The following LBHD1 variants were observed in gnomAD, a reference collection of about 807,000 sequenced individuals.
The protein encoded by LBHD1 is LBH domain containing 1.
LBHD1 carries 28 observed loss-of-function variants against 31.1 expected under a neutral mutation model. That is an observed-to-expected ratio of 0.90 (90% CI 0.67 to 1.24). The LOEUF is 1.24. Ranked by LOEUF, LBHD1 falls within the 50% of genes most tolerant of loss-of-function variation. The pLI is 0.00. For missense variants in LBHD1, 350 were observed against 323.0 expected (o/e 1.08, Z -0.64); for synonymous variants, 105 against 116.5 (o/e 0.90, Z 0.63).
intron 4 of LBHD1, chr11:62,666,000 G>C: frequency 6.4e-7 from 1 of 1,561,956 alleles, no homozygotes. Flanking sequence ...AGTGGGGAGG[G>C]TAAGGTGGGT....
rs1944694257 is a variant in LBHD1, at chr11:62,662,916, A to G, written c.*213T>C. On this transcript the variant is annotated 3_prime_UTR_variant, in exon 7 of 7. Coordinates refer to ENST00000354588, the MANE Select transcript of LBHD1 (RefSeq NM_024099.5). ...TCTTCCCTCCCAAAGACATCCCTCTAGGGGAGGTCAGTAGGCCATTAGGTA... is the reference window on the plus strand; with the variant it reads ...TCTTCCCTCCCAAAGACATCCCTCTGGGGGAGGTCAGTAGGCCATTAGGTA... 7 of 669,808 alleles carry G rather than the reference A, an allele frequency of 1.0e-5. No individual in the cohort carries two copies. In the South Asian group the frequency reaches 1.4e-4, roughly 13 times the overall value. 41.5% of individuals were successfully genotyped at this position (669,808 alleles called of 1,614,324 possible). A position where few individuals can be genotyped will look rare whatever the true frequency, so the allele number is the denominator to read the frequency against.
chr11:62,665,708 CAT>C (rs929260139), intron 4 of LBHD1: 14 of 1,462,466 alleles, frequency 9.6e-6, no homozygotes, highest in Admixed American at 2.4e-5. Flanking sequence ...CCGTTCCTAC[CAT>C]AGTCTGTGTC....
chr11:62,665,634 C>T lies in LBHD1; in HGVS notation c.539-661G>A, dbSNP rs1565126421. ...CTCCATCGGGGTGCTCACACTTTCT[C>T]ATTTGATTTCAGGTCTGCGGACGCT... On this transcript the variant is annotated intron_variant, in intron 4 of 6. Transcript: ENST00000354588. The T allele has an allele frequency of 3.2e-5, 48 of 1,523,622 alleles. 1 individual carries two copies. The highest frequency in any genetic ancestry group is 3.3e-5 in the Non-Finnish European group (38 of 1,140,092). 94.4% of individuals were successfully genotyped at this position (1,523,622 alleles called of 1,614,324 possible).
At chr11:62,667,106 G>C in intron 4 of LBHD1, 1 of 1,502,164 alleles carries the variant, frequency 6.7e-7, no homozygotes. Context: ...GAGGGCTGAA[G>C]AACTGTCTTT....
intron 4 of LBHD1, chr11:62,665,632 C>T: frequency 4.4e-5 from 68 of 1,530,062 alleles, no homozygotes; most frequent in Non-Finnish European, 5.9e-5. Flanking sequence ...CTCACACTTT[C>T]TCATTTGATT....
intron 4 of LBHD1, 40 bp from the exon 5 acceptor site, chr11:62,665,013 G>A (rs751030617): frequency 6.9e-6 from 11 of 1,602,460 alleles, no homozygotes; most frequent in Non-Finnish European, 9.3e-6. Context: ...GAGTGGGCTC[G>A]CCGCGACCCG....
chr11:62,666,144 C>T, intron 4 of LBHD1: 1 of 735,824 alleles, frequency 1.4e-6, no homozygotes, highest in Non-Finnish European at 2.2e-6. Flanking sequence ...CCCAGGAGTT[C>T]GAGACCAACC....
intron 5 of LBHD1, among the ~76,000 whole-genome samples, chr11:62,664,279 G>C (rs1944731545): frequency 6.8e-6 from 1 of 147,848 alleles, no homozygotes; most frequent in Non-Finnish European, 1.5e-5. Context: ...CTGTGTGAAT[G>C]TATAACATTA....
chr11:62,671,156 A>C (rs974176625), intron 1 of LBHD1: 47 of 370,730 alleles, frequency 1.3e-4, no homozygotes, highest in Middle Eastern at 4.0e-4. Flanking sequence ...CCAAAAAAAA[A>C]CCCAAACAAT....
At chr11:62,665,870 G>C in intron 4 of LBHD1, 1 of 1,612,610 alleles carries the variant, frequency 6.2e-7, no homozygotes, top group Non-Finnish European at 8.5e-7. Flanking sequence ...GAACTTACCC[G>C]AATCTCCAGA....
chr11:62,671,791 G>C lies in LBHD1; in HGVS notation c.-238C>G. 1.2e-6 allele frequency: 2 copies of C among 1,614,146 alleles called. No homozygotes were observed. The highest frequency in any genetic ancestry group is 1.7e-6 in the Non-Finnish European group (2 of 1,180,032). ...GCTGATCTCAGTCGCAATGCTGGGC[G>C]CAGGGGCTGGCGTGGGCTACGCGCT... On this transcript the variant is annotated 5_prime_UTR_variant, in exon 1 of 7. Coordinates refer to ENST00000354588, the MANE Select transcript of LBHD1 (RefSeq NM_024099.5).
chr11:62,666,710 C>CCT (rs1944823752), intron 4 of LBHD1: 2 of 1,614,070 alleles, frequency 1.2e-6, no homozygotes, highest in East Asian at 2.2e-5. Flanking sequence ...AGGCCAAACA[C>CCT]CTCTATGCCC....
In LBHD1 at chr11:62,662,905, G is replaced by T; in HGVS notation, c.*224C>A. ...CTTCTGTACCTTCTTCCCTCCCAAAGACATCCCTCTAGGGGAGGTCAGTAG... is the reference window on the plus strand; with the variant it reads ...CTTCTGTACCTTCTTCCCTCCCAAATACATCCCTCTAGGGGAGGTCAGTAG... On this transcript the variant is annotated 3_prime_UTR_variant, in exon 7 of 7. Coordinates refer to ENST00000354588, the MANE Select transcript of LBHD1 (RefSeq NM_024099.5). 1.6e-6 allele frequency: 1 copy of T among 635,192 alleles called. No individual in the cohort carries two copies. The highest frequency in any genetic ancestry group is 2.7e-6 in the Non-Finnish European group (1 of 368,504). The allele number at this position is 635,192 out of a possible 1,614,324, so 39.3% of individuals were successfully genotyped here.
rs1030653893 is a variant in LBHD1, at chr11:62,663,291, G to A, written c.706C>T (p.Gln236Ter). The A allele has an allele frequency of 6.2e-7, 1 of 1,614,212 alleles. No individual in the cohort carries two copies. The highest frequency in any genetic ancestry group is 1.3e-5 in the African/African-American group (1 of 75,054). Residue 236 changes from glutamine to a stop codon, truncating the protein, a stop_gained, in exon 6 of 7, where the codon CAG becomes TAG. Transcript: ENST00000354588. LOFTEE classifies it high-confidence loss of function. ...GCCGGATCTGCTGGAGGAGTTTTCT[G>A]CGCTTCTTCCCTGACAGTGTAATGT... Reference protein sequence around the residue: ...CQHYTVREEAQKTPPADPACP... With the variant: ...CQHYTVREEA
At chr11:62,663,422 A>C in intron 5 of LBHD1, 89 bp from the exon 6 acceptor site, 1 of 1,385,876 alleles carries the variant, frequency 7.2e-7, no homozygotes, top group Non-Finnish European at 9.9e-7. Flanking sequence ...AAAGTATTAA[A>C]TAGGCTGGGC....
chr11:62,669,070 G>A (rs1233801734), intron 3 of LBHD1, among the ~76,000 whole-genome samples: 4 of 149,936 alleles, frequency 2.7e-5, no homozygotes, highest in South Asian at 2.2e-4. Flanking sequence ...ACAGGCGCCC[G>A]CCACCACGCC....
intron 4 of LBHD1, chr11:62,665,223 G>A: frequency 3.9e-6 from 3 of 776,898 alleles, no homozygotes; most frequent in Non-Finnish European, 6.6e-6. Flanking sequence ...CGCCGGATCC[G>A]CGGGGCTCCG....
At chr11:62,667,782 C>G in intron 3 of LBHD1, 35 bp from the exon 4 acceptor site, 2 of 1,394,590 alleles carry the variant, frequency 1.4e-6, no homozygotes, top group Non-Finnish European at 2.0e-6. Context: ...AAAAATATTA[C>G]TGATATATTA....
chr11:62,665,222 C>A, intron 4 of LBHD1: 1 of 776,866 alleles, frequency 1.3e-6, no homozygotes, highest in Admixed American at 2.0e-5. Context: ...GCGCCGGATC[C>A]GCGGGGCTCC....
Sources: allele counts gnomAD v4.1 joint callset (sites outside exome capture counted in the v4.1 genomes callset), GRCh38; gene constraint gnomAD v4.1.1; transcripts MANE v1.5; gene names NCBI Gene and HGNC (gene_info 2026-07-23, HGNC 2026-07-21).